RAD21L1: variants seen among roughly 807,000 people sequenced by gnomAD.
RAD21L1 encodes the protein double-strand-break repair protein rad21-like protein 1.
A neutral mutation model predicts 69.0 loss-of-function variants in RAD21L1; 47 were observed. The observed-to-expected ratio is 0.68, with a 90% CI of 0.54 to 0.87. The LOEUF (loss-of-function observed/expected upper bound fraction) is 0.87, where lower values mean the gene tolerates loss of function less well. Ranked by LOEUF, RAD21L1 falls within the 40% of genes least tolerant of loss-of-function variation. The pLI, the probability that RAD21L1 is intolerant of heterozygous loss-of-function variation, is 0.00. For missense variants in RAD21L1, 583 were observed against 647.6 expected (o/e 0.90, Z 1.08); for synonymous variants, 177 against 205.8 (o/e 0.86, Z 1.20).
At chr20:1,232,148 C>G (rs2087403423) in intron 4 of RAD21L1, among the ~76,000 whole-genome samples, 1 of 151,838 alleles carries the variant, frequency 6.6e-6, no homozygotes, top group Non-Finnish European at 1.5e-5. Flanking sequence ...GTAGAAAGGC[C>G]CTAAAGCAGG....
chr20:1,229,785 T>TAA (rs1190992826), intron 2 of RAD21L1, 95 bp from the exon 3 acceptor site: 1 of 957,738 alleles, frequency 1.0e-6, no homozygotes, highest in Non-Finnish European at 1.5e-6. Context: ...TCTGCTTTTT[T>TAA]AAGAGAACCA....
Position 1,248,675 on chromosome 20 carries a change from G to C in RAD21L1, c.1451G>C (p.Arg484Thr). ...ENIETERWNG[R>T]ILQMLNRLRE... ...ATTGAGACAGAGAGATGGAATGGAAGAATACTTCAGATGTTAAATCGTTTA... is the reference window on the plus strand; with the variant it reads ...ATTGAGACAGAGAGATGGAATGGAACAATACTTCAGATGTTAAATCGTTTA... The change falls in exon 13 of 14, where the codon AGA becomes ACA. Residue 484 changes from arginine (R) to threonine (T), a missense_variant. Arg to Thr is a moderately conservative substitution (Grantham distance 71). Transcript: ENST00000683101. 6.5e-7 allele frequency: 1 copy of C among 1,532,502 alleles called. No individual in the cohort carries two copies. Among genetic ancestry groups the C allele is most frequent in the Middle Eastern group, 1.7e-4 (1 of 5,942 alleles). 94.9% of individuals were successfully genotyped at this position (1,532,502 alleles called of 1,614,324 possible). A position where few individuals can be genotyped will look rare whatever the true frequency, so the allele number is the denominator to read the frequency against.
At chr20:1,242,164 C>T (rs1257066425) in intron 8 of RAD21L1, among the ~76,000 whole-genome samples, 1 of 152,148 alleles carries the variant, frequency 6.6e-6, no homozygotes, top group Non-Finnish European at 1.5e-5. Context: ...ATTGGTTGCT[C>T]AGCATAATTT....
chr20:1,233,366 C>T (rs984898618), intron 4 of RAD21L1, among the ~76,000 whole-genome samples: 2 of 151,960 alleles, frequency 1.3e-5, no homozygotes, highest in African/African-American at 4.8e-5. Flanking sequence ...TGGTCATTCC[C>T]AGTAGTTAGT....
intron 13 of RAD21L1, among the ~76,000 whole-genome samples, chr20:1,252,667 G>C (rs995284783): frequency 1.3e-5 from 2 of 152,198 alleles, no homozygotes; most frequent in African/African-American, 4.8e-5. Flanking sequence ...CTCCGCTACT[G>C]TTCCTAAGTA....
Position 1,242,896 on chromosome 20 carries a change from TAATA to T in RAD21L1, c.1083+66_1083+69del, listed in dbSNP as rs201553222. Reference sequence around the variant, plus strand: ...TGAGCAATGTCTGGTTATAAATAAATAATAAATAAATAAATAAACACATATTTAC... The same window carrying T: ...TGAGCAATGTCTGGTTATAAATAAATAATAAATAAATAAACACATATTTAC... On this transcript the variant is annotated intron_variant, in intron 9 of 13. Transcript: ENST00000683101. The T allele has an allele frequency of 1.0e-3, 1,183 of 1,167,460 alleles. 10 individuals carry two copies. The African/African-American group carries it at 0.016, about 15-fold the overall frequency. The allele number at this position is 1,167,460 out of a possible 1,614,324, so 72.3% of individuals were successfully genotyped here. A position where few individuals can be genotyped will look rare whatever the true frequency, so the allele number is the denominator to read the frequency against.
intron 3 of RAD21L1, chr20:1,230,795 G>A (rs184450895): frequency 3.2e-5 from 16 of 500,648 alleles, no homozygotes; most frequent in East Asian, 1.5e-4. Flanking sequence ...TCATTTGTTC[G>A]TTTATTATTT....
intron 10 of RAD21L1, 105 bp from the exon 11 acceptor site, chr20:1,243,941 G>A (rs1049116455): frequency 1.0e-6 from 1 of 963,600 alleles, no homozygotes; most frequent in African/African-American, 1.7e-5. Flanking sequence ...TTAAATTCTT[G>A]GATCCCAACA....
intron 5 of RAD21L1, among the ~76,000 whole-genome samples, chr20:1,237,486 C>T (rs1036204492): frequency 4.7e-5 from 7 of 149,130 alleles, no homozygotes; most frequent in African/African-American, 1.2e-4. Flanking sequence ...TATAAACACT[C>T]GGTTACTGTT....
intron 10 of RAD21L1, among the ~76,000 whole-genome samples, chr20:1,243,402 C>T (rs575778340): frequency 1.3e-5 from 2 of 152,008 alleles, no homozygotes; most frequent in Non-Finnish European, 2.9e-5. Context: ...CCAGAGATTT[C>T]GTTAAAAAGA....
chr20:1,229,740 A>G (rs556590260), intron 2 of RAD21L1, 140 bp from the exon 3 acceptor site: 32 of 602,376 alleles, frequency 5.3e-5, no homozygotes, highest in African/African-American at 5.1e-4. Flanking sequence ...AAGGTAAGGT[A>G]AAAAGTGATA....
intron 1 of RAD21L1, among the ~76,000 whole-genome samples, chr20:1,227,535 AAAG>A (rs967476810): frequency 2.6e-5 from 4 of 152,214 alleles, no homozygotes; most frequent in African/African-American, 9.6e-5. Flanking sequence ...CTTAAGTAGA[AAAG>A]AAGCAAAAAG....
chr20:1,247,800 T>C (rs2122144446), intron 12 of RAD21L1, among the ~76,000 whole-genome samples: 1 of 151,910 alleles, frequency 6.6e-6, no homozygotes, highest in South Asian at 2.1e-4. Context: ...GGACATGAGG[T>C]GAGAGTGACA....
Position 1,231,548 on chromosome 20 carries a change from G to A in RAD21L1, c.297G>A (p.Glu99=), listed in dbSNP as rs1393609058. 6.5e-7 allele frequency: 1 copy of A among 1,538,766 alleles called. No individual in the cohort carries two copies. The highest frequency in any genetic ancestry group is 1.4e-5 in the African/African-American group (1 of 72,720). Residue 99 remains glutamate, a synonymous_variant, in exon 4 of 14, where the codon GAG becomes GAA. Transcript: ENST00000683101. ...FCPGLVDLPK[E]NFEASYNAIT... Reference sequence around the variant, plus strand: ...CAGGACTGGTTGACCTTCCAAAAGAGAATTTTGAAGCATCTTACAATGCTA... The same window carrying A: ...CAGGACTGGTTGACCTTCCAAAAGAAAATTTTGAAGCATCTTACAATGCTA...
At chr20:1,231,288 G>T (rs972238408) in intron 3 of RAD21L1, among the ~76,000 whole-genome samples, 4 of 152,118 alleles carry the variant, frequency 2.6e-5, no homozygotes, top group African/African-American at 9.7e-5. Context: ...TAGAAATTTT[G>T]ATTTTATTAA....
At chr20:1,252,719 C>A (rs1177307220) in intron 13 of RAD21L1, among the ~76,000 whole-genome samples, 1 of 146,828 alleles carries the variant, frequency 6.8e-6, no homozygotes, top group Non-Finnish European at 1.6e-5. Flanking sequence ...CATCCCTCTC[C>A]CCAGTTTATG....
chr20:1,237,072 T>G (rs1463366058), intron 5 of RAD21L1, among the ~76,000 whole-genome samples: 5 of 152,268 alleles, frequency 3.3e-5, no homozygotes, highest in Non-Finnish European at 7.3e-5. Context: ...TTTTCCACTC[T>G]TCCATTCTAG....
intron 1 of RAD21L1, among the ~76,000 whole-genome samples, chr20:1,227,373 G>A (rs1241681330): frequency 6.6e-6 from 1 of 152,266 alleles, no homozygotes; most frequent in African/African-American, 2.4e-5. Flanking sequence ...CCCCGTAGGG[G>A]AACATGGTTT....
chr20:1,242,965 T>G, intron 9 of RAD21L1, 120 bp downstream of exon 9: 2 of 904,666 alleles, frequency 2.2e-6, no homozygotes, highest in Non-Finnish European at 3.4e-6. Context: ...AAGAAGTACT[T>G]CCTCATTTTG....
Sources: gnomAD v4.1 joint callset for allele counts (sites outside exome capture counted in the v4.1 genomes callset) on GRCh38, gnomAD v4.1.1 for gene constraint, MANE v1.5 for transcripts, NCBI Gene and HGNC (gene_info 2026-07-23, HGNC 2026-07-21) for gene names.